GLUD1: variants seen among roughly 807,000 people sequenced by gnomAD.
GLUD1 encodes the protein glutamate dehydrogenase 1, also known as glutamate dehydrogenase 1, mitochondrial.
A neutral mutation model predicts 56.0 loss-of-function variants in GLUD1; 22 were observed. The observed-to-expected ratio is 0.39, with a 90% CI of 0.28 to 0.56. The LOEUF (loss-of-function observed/expected upper bound fraction) is 0.56, where lower values mean the gene tolerates loss of function less well. Among genes scored for constraint, GLUD1 ranks in the 20% least tolerant of loss-of-function variants. The probability of loss-of-function intolerance (pLI) is 0.58; values close to 1 mark genes in which losing one functional copy is unlikely to be tolerated. For missense variants in GLUD1, 451 were observed against 732.0 expected (o/e 0.62, Z 4.43); for synonymous variants, 223 against 269.9 (o/e 0.83, Z 1.70).
At chr10:87,067,548 T>C (rs1365984429) in intron 5 of GLUD1, among the ~76,000 whole-genome samples, 1 of 152,202 alleles carries the variant, frequency 6.6e-6, no homozygotes, top group Non-Finnish European at 1.5e-5. Context: ...TTCTATTACC[T>C]TTATAAATAT....
At chr10:87,068,855 A>T (rs986666544) in intron 4 of GLUD1, among the ~76,000 whole-genome samples, 2 of 151,940 alleles carry the variant, frequency 1.3e-5, no homozygotes, top group African/African-American at 4.8e-5. Flanking sequence ...GGCTACAGTA[A>T]GATCTCTGAT....
At chr10:87,060,534 A>G in intron 8 of GLUD1, 154 bp downstream of exon 8, 1 of 1,002,538 alleles carries the variant, frequency 1.0e-6, no homozygotes, top group South Asian at 1.3e-5. Context: ...AAGCCATTAA[A>G]TTATGTACCT....
At chr10:87,057,148 G>A (rs1301050148) in intron 11 of GLUD1, among the ~76,000 whole-genome samples, 12 of 152,134 alleles carry the variant, frequency 7.9e-5, no homozygotes, top group African/African-American at 2.9e-4. Context: ...GTAGCACCAC[G>A]CCTGGCTAAT....
chr10:87,075,941 A>C, intron 3 of GLUD1, 27 bp downstream of exon 3: 4 of 1,452,510 alleles, frequency 2.8e-6, no homozygotes, highest in Non-Finnish European at 3.9e-6. Flanking sequence ...AACAACAATA[A>C]AAAACAAATA....
intron 4 of GLUD1, among the ~76,000 whole-genome samples, chr10:87,071,935 G>C (rs1564772243): frequency 6.6e-6 from 1 of 152,114 alleles, no homozygotes; most frequent in Non-Finnish European, 1.5e-5. Context: ...TAAATAAATG[G>C]AAAGACATCT....
intron 3 of GLUD1, among the ~76,000 whole-genome samples, chr10:87,075,228 T>C (rs1846353844): frequency 6.6e-6 from 1 of 152,100 alleles, no homozygotes; most frequent in South Asian, 2.1e-4. Context: ...GCCTCCCGAG[T>C]AGCTGGGATT....
chr10:87,063,668 T>TTTTTTTTTTTTTTTTTTTTTTTTTTTG (rs1554906756), intron 5 of GLUD1, among the ~76,000 whole-genome samples: 11 of 152,316 alleles, frequency 7.2e-5, no homozygotes, highest in Non-Finnish European at 1.3e-4. Flanking sequence ...AGGAAGTTTT[T>TTTTTTTTTTTTTTTTTTTTTTTTTTTG]AATATAACTT....
chr10:87,060,543 C>T (rs953360468), intron 8 of GLUD1, 145 bp downstream of exon 8: 3 of 1,062,056 alleles, frequency 2.8e-6, no homozygotes, highest in African/African-American at 3.1e-5. Flanking sequence ...AATTATGTAC[C>T]TTAAATGGGG....
At chr10:87,069,452 T>C (rs1251605915) in intron 4 of GLUD1, among the ~76,000 whole-genome samples, 1 of 151,150 alleles carries the variant, frequency 6.6e-6, no homozygotes, top group Non-Finnish European at 1.5e-5. Flanking sequence ...GTGGGGGGTG[T>C]TGCAGTGAGC....
chr10:87,053,245 G>A, intron 12 of GLUD1, 97 bp downstream of exon 12: 2 of 821,746 alleles, frequency 2.4e-6, no homozygotes, highest in Non-Finnish European at 4.3e-6. Context: ...ACAGATTGAT[G>A]TTTTCTATCA....
At chr10:87,055,462 T>C (rs1190238455) in intron 11 of GLUD1, among the ~76,000 whole-genome samples, 1 of 151,936 alleles carries the variant, frequency 6.6e-6, no homozygotes, top group Non-Finnish European at 1.5e-5. Context: ...TGCTGGGCAG[T>C]GGGGTGACCA....
chr10:87,076,846 T>C (rs1416354080), intron 1 of GLUD1, among the ~76,000 whole-genome samples, 190 bp from the exon 2 acceptor site: 2 of 152,144 alleles, frequency 1.3e-5, no homozygotes, highest in Non-Finnish European at 2.9e-5. Context: ...AAAATGAATA[T>C]AAAACGTTAA....
At chr10:87,087,652 C>T (rs1841415639) in intron 1 of GLUD1, among the ~76,000 whole-genome samples, 1 of 152,218 alleles carries the variant, frequency 6.6e-6, no homozygotes, top group Non-Finnish European at 1.5e-5. Context: ...CCTTATTTCT[C>T]ATTATTTACA....
At chr10:87,078,352 C>T (rs1054796900) in intron 1 of GLUD1, among the ~76,000 whole-genome samples, 5 of 152,162 alleles carry the variant, frequency 3.3e-5, no homozygotes, top group South Asian at 2.1e-4. Context: ...TGAGAGGCTC[C>T]CCTTGACCAC....
intron 1 of GLUD1, among the ~76,000 whole-genome samples, chr10:87,080,789 C>T (rs1215685877): frequency 6.6e-6 from 1 of 151,898 alleles, no homozygotes; most frequent in Admixed American, 6.5e-5. Context: ...TGGCAGCCAC[C>T]CCATCTGGGA....
intron 5 of GLUD1, among the ~76,000 whole-genome samples, chr10:87,064,931 T>C (rs551684357): frequency 6.6e-6 from 1 of 152,234 alleles, no homozygotes; most frequent in South Asian, 2.1e-4. Flanking sequence ...CCACCTACAC[T>C]GCACTTCTAG....
intron 6 of GLUD1, 159 bp from the exon 7 acceptor site, chr10:87,061,211 C>T (rs1347722357): frequency 1.3e-6 from 1 of 775,484 alleles, no homozygotes; most frequent in Non-Finnish European, 2.3e-6. Context: ...TTCTCTTCAA[C>T]AATAAAATTC....
intron 3 of GLUD1, among the ~76,000 whole-genome samples, chr10:87,075,405 T>C (rs935659430): frequency 8.5e-5 from 13 of 152,182 alleles, no homozygotes; most frequent in South Asian, 4.1e-4. Flanking sequence ...AGCAAAAAAG[T>C]AAAACAAAAG....
intron 1 of GLUD1, among the ~76,000 whole-genome samples, chr10:87,092,064 T>C (rs1841521955): frequency 6.6e-6 from 1 of 152,104 alleles, no homozygotes; most frequent in African/African-American, 2.4e-5. Flanking sequence ...TCTTAGACGT[T>C]AAAAAAGCTT....
Sources: gnomAD v4.1 joint callset for allele counts (sites outside exome capture counted in the v4.1 genomes callset) on GRCh38, gnomAD v4.1.1 for gene constraint, MANE v1.5 for transcripts, NCBI Gene and HGNC (gene_info 2026-07-23, HGNC 2026-07-21) for gene names.